AFG2A: variants seen among roughly 807,000 people sequenced by gnomAD.
The protein encoded by AFG2A is ATPase family gene 2 protein homolog A.
At chr4:123,314,298 A>T in the AFG2A span, 2 of 317,804 alleles carry the variant, frequency 6.3e-6, no homozygotes, top group Non-Finnish European at 1.1e-5. Flanking sequence ...TGGTTTAAAA[A>T]ACAAATGTTT....
At chr4:122,985,505 G>T in the AFG2A span, among the ~76,000 whole-genome samples, 1 of 152,080 alleles carries the variant, frequency 6.6e-6, no homozygotes, top group Non-Finnish European at 1.5e-5. Context: ...CCTGATTTAA[G>T]CTAGGAGGGT....
the AFG2A span, among the ~76,000 whole-genome samples, chr4:123,094,417 A>G: frequency 2.0e-5 from 3 of 152,304 alleles, no homozygotes; most frequent in African/African-American, 7.2e-5. Flanking sequence ...CTTATAGCCA[A>G]TTAAACATTT....
At chr4:123,259,056 A>C in the AFG2A span, among the ~76,000 whole-genome samples, 4 of 151,898 alleles carry the variant, frequency 2.6e-5, no homozygotes, top group Non-Finnish European at 2.9e-5. Context: ...TATTAGAGAC[A>C]GGGTTTCACC....
At chr4:123,230,735 A>C in the AFG2A span, among the ~76,000 whole-genome samples, 1 of 151,978 alleles carries the variant, frequency 6.6e-6, no homozygotes, top group Admixed American at 6.6e-5. Context: ...TAGCCCTACA[A>C]GATGTATTTC....
chr4:122,945,914 A>G, the AFG2A span, among the ~76,000 whole-genome samples: 3 of 152,200 alleles, frequency 2.0e-5, no homozygotes, highest in African/African-American at 7.2e-5. Flanking sequence ...TCTGTAAGAG[A>G]AGGGTTGTCA....
At chr4:123,144,617 T>G in the AFG2A span, among the ~76,000 whole-genome samples, 1 of 152,142 alleles carries the variant, frequency 6.6e-6, no homozygotes. Flanking sequence ...AAAAGGGATA[T>G]TTCCTTTCTT....
chr4:123,134,838 AG>A, the AFG2A span, among the ~76,000 whole-genome samples: 1 of 152,130 alleles, frequency 6.6e-6, no homozygotes, highest in African/African-American at 2.4e-5. Flanking sequence ...CGTTTAAAGA[AG>A]GGCTAATACT....
chr4:122,948,996 AGAAAGT>A, the AFG2A span, among the ~76,000 whole-genome samples: 1 of 152,242 alleles, frequency 6.6e-6, no homozygotes, highest in Non-Finnish European at 1.5e-5. Context: ...CATACTGTAT[AGAAAGT>A]TTTTCAAGGG....
the AFG2A span, among the ~76,000 whole-genome samples, chr4:123,261,180 A>C: frequency 6.6e-6 from 1 of 152,098 alleles, no homozygotes; most frequent in African/African-American, 2.4e-5. Flanking sequence ...TCTGCAACCT[A>C]CTTTTCCTGC....
At chr4:122,973,416 T>G in the AFG2A span, among the ~76,000 whole-genome samples, 1 of 152,138 alleles carries the variant, frequency 6.6e-6, no homozygotes, top group Non-Finnish European at 1.5e-5. Context: ...CTTAAAATAC[T>G]TAGGTTTAAT....
At chr4:123,034,652 C>G in the AFG2A span, among the ~76,000 whole-genome samples, 2 of 150,688 alleles carry the variant, frequency 1.3e-5, no homozygotes, top group East Asian at 3.9e-4. Context: ...ATATCTCAAT[C>G]TGGGTTCACT....
At chr4:122,924,921 A>G in the AFG2A span, among the ~76,000 whole-genome samples, 11 of 152,180 alleles carry the variant, frequency 7.2e-5, no homozygotes, top group South Asian at 2.1e-4. Context: ...AAAAGCTTCT[A>G]TATACTTATT....
At chr4:123,318,212 C>G in the AFG2A span, 1 of 152,144 alleles carries the variant, frequency 6.6e-6, no homozygotes, top group African/African-American at 2.4e-5. Flanking sequence ...AATAAGAGAT[C>G]AGGCTTTTAG....
At chr4:122,932,404 G>C in the AFG2A span, among the ~76,000 whole-genome samples, 40 of 152,166 alleles carry the variant, frequency 2.6e-4, no homozygotes, top group South Asian at 6.7e-3. Flanking sequence ...TGTTGCCCAG[G>C]CTGGTCTTGA....
the AFG2A span, among the ~76,000 whole-genome samples, chr4:123,062,809 A>G: frequency 6.6e-6 from 1 of 152,186 alleles, no homozygotes; most frequent in South Asian, 2.1e-4. Flanking sequence ...CCCAAACTTC[A>G]TTATGTGGCA....
the AFG2A span, among the ~76,000 whole-genome samples, chr4:123,311,607 C>G: frequency 7.8e-6 from 1 of 127,694 alleles, no homozygotes; most frequent in Non-Finnish European, 1.5e-5. Flanking sequence ...AGCCTGGTGA[C>G]AGAACGAGAC....
the AFG2A span, among the ~76,000 whole-genome samples, chr4:123,054,321 A>C: frequency 6.6e-6 from 1 of 151,982 alleles, no homozygotes; most frequent in African/African-American, 2.4e-5. Context: ...TTGTGGGCAT[A>C]TATGAGCAGG....
chr4:123,090,587 G>A, the AFG2A span: 5 of 1,613,816 alleles, frequency 3.1e-6, no homozygotes, highest in African/African-American at 2.7e-5. Context: ...AGTTCTTTAG[G>A]TGCTGGGAAT....
the AFG2A span, among the ~76,000 whole-genome samples, chr4:123,285,780 T>C: frequency 6.6e-6 from 1 of 152,184 alleles, no homozygotes; most frequent in Non-Finnish European, 1.5e-5. Context: ...TGTGTGATGT[T>C]GAACAAATTT....
Sources: gnomAD v4.1 joint callset for allele counts (sites outside exome capture counted in the v4.1 genomes callset) on GRCh38, gnomAD v4.1.1 for gene constraint, MANE v1.5 for transcripts, NCBI Gene and HGNC (gene_info 2026-07-23, HGNC 2026-07-21) for gene names.